PTPRD: variants seen among roughly 807,000 people sequenced by gnomAD.
PTPRD encodes receptor-type tyrosine-protein phosphatase delta.
Under a neutral mutation model 214.5 loss-of-function variants are expected in PTPRD, and 34 were observed. That is an observed-to-expected ratio of 0.16 (90% CI 0.12 to 0.21). The LOEUF is 0.21. Among genes scored for constraint, PTPRD ranks in the 10% least tolerant of loss-of-function variants. The probability of loss-of-function intolerance (pLI) is 1.00; values close to 1 mark genes in which losing one functional copy is unlikely to be tolerated. For synonymous variants in PTPRD, 1,128 were observed against 845.7 expected, an observed-to-expected ratio of 1.33 and a Z score of -5.79; for missense variants, 2,545 against 2,398.7, an observed-to-expected ratio of 1.06 and a Z score of -1.27.
intron 5 of PTPRD, among the ~76,000 whole-genome samples, chr9:9,814,795 CTTTTTT>C (rs34270280): frequency 4.7e-5 from 5 of 106,376 alleles, no homozygotes; most frequent in East Asian, 3.3e-4. Flanking sequence ...ACCAAAGTGA[CTTTTTT>C]TTTTTTTTTT....
chr9:8,988,278 G>T (rs756370918), intron 11 of PTPRD, among the ~76,000 whole-genome samples: 2 of 152,086 alleles, frequency 1.3e-5, no homozygotes, highest in African/African-American at 4.8e-5. Flanking sequence ...TAAATAAAAT[G>T]ATTAACTTAC....
chr9:8,665,084 A>C (rs146773739), intron 12 of PTPRD, among the ~76,000 whole-genome samples: 12 of 152,336 alleles, frequency 7.9e-5, no homozygotes, highest in Non-Finnish European at 1.3e-4. Context: ...GCAAAAAAAA[A>C]ATATGTTCGC....
intron 14 of PTPRD, among the ~76,000 whole-genome samples, chr9:8,608,572 C>T (rs1206408754): frequency 1.3e-5 from 2 of 151,748 alleles, no homozygotes; most frequent in Non-Finnish European, 2.9e-5. Context: ...TATGGCTTGA[C>T]CCATCCCCTG....
intron 5 of PTPRD, among the ~76,000 whole-genome samples, chr9:9,825,170 G>A (rs1164683429): frequency 1.3e-5 from 2 of 151,794 alleles, no homozygotes; most frequent in East Asian, 3.9e-4. Context: ...CTGCCATTTT[G>A]TTTCTTCTCA....
chr9:10,083,129 A>T (rs963486466), intron 3 of PTPRD, among the ~76,000 whole-genome samples: 31 of 151,938 alleles, frequency 2.0e-4, no homozygotes, highest in Non-Finnish European at 8.8e-5. Flanking sequence ...TACCCTATAA[A>T]ATATACCCTA....
chr9:8,494,806 C>T (rs941155302), intron 26 of PTPRD, among the ~76,000 whole-genome samples: 1 of 152,168 alleles, frequency 6.6e-6, no homozygotes, highest in Non-Finnish European at 1.5e-5. Flanking sequence ...CCAACTGCCA[C>T]GGTCATATCC....
At chr9:10,157,565 T>C (rs1196576888) in intron 3 of PTPRD, among the ~76,000 whole-genome samples, 1 of 152,112 alleles carries the variant, frequency 6.6e-6, no homozygotes, top group East Asian at 1.9e-4. Context: ...CCTTTAACAT[T>C]TTTTTTCCTT....
intron 12 of PTPRD, among the ~76,000 whole-genome samples, chr9:8,653,805 C>T (rs552532458): frequency 1.3e-5 from 2 of 152,160 alleles, no homozygotes; most frequent in African/African-American, 2.4e-5. Context: ...TCACTGTATA[C>T]GAATTTCTAA....
rs117893377 is a variant in PTPRD at position 9,353,596 on chromosome 9, C to T, written c.-203+43853G>A. 1.5e-3 allele frequency among the ~76,000 whole-genome samples: 233 copies of T among 151,058 alleles called. 1 individual carries two copies. The highest frequency in any genetic ancestry group is 2.3e-3 in the South Asian group (11 of 4,770). ...TCACTTTACATAGGACCTTGTCTTA[C>T]GTATATATTGGCCTTGTTTTCATGC... On this transcript the variant is annotated intron_variant, in intron 9 of 45. Transcript: ENST00000381196.
At chr9:9,820,482 G>T (rs1337766233) in intron 5 of PTPRD, among the ~76,000 whole-genome samples, 3 of 152,052 alleles carry the variant, frequency 2.0e-5, no homozygotes, top group Non-Finnish European at 4.4e-5. Context: ...AAGCTCTTTA[G>T]TTTAATTAGG....
chr9:8,825,635 G>C (rs2097160352), intron 11 of PTPRD, among the ~76,000 whole-genome samples: 1 of 152,192 alleles, frequency 6.6e-6, no homozygotes, highest in South Asian at 2.1e-4. Flanking sequence ...TGAGTTCGCA[G>C]TGTAAAGTGA....
chr9:8,376,201 AC>A (rs2083190917), intron 38 of PTPRD, 111 bp from the exon 39 acceptor site: 7 of 1,244,120 alleles, frequency 5.6e-6, no homozygotes, highest in Non-Finnish European at 7.7e-6. Context: ...CCTTTCTACC[AC>A]CCTGTAGCCT....
At chr9:8,757,185 T>G (rs2154472369) in intron 11 of PTPRD, among the ~76,000 whole-genome samples, 1 of 152,300 alleles carries the variant, frequency 6.6e-6, no homozygotes, top group East Asian at 1.9e-4. Context: ...GTCAACTCTC[T>G]GTTTCTCAGA....
At chr9:9,379,758 G>C (rs2061686170) in intron 9 of PTPRD, among the ~76,000 whole-genome samples, 1 of 151,716 alleles carries the variant, frequency 6.6e-6, no homozygotes, top group African/African-American at 2.4e-5. Flanking sequence ...TTTTTTGTTA[G>C]ATTTCTACCT....
intron 9 of PTPRD, among the ~76,000 whole-genome samples, chr9:9,353,978 G>A (rs576638953): frequency 4.6e-5 from 7 of 151,552 alleles, no homozygotes; most frequent in South Asian, 2.1e-4. Context: ...GAATGACTGC[G>A]GTCACTCTTT....
intron 11 of PTPRD, among the ~76,000 whole-genome samples, chr9:8,921,605 C>A (rs76214860): frequency 0.052 from 7,889 of 152,016 alleles, 411 homozygotes; most frequent in East Asian, 0.19. Flanking sequence ...GTGATTCTCC[C>A]AACTTAACCT....
chr9:8,615,560 T>C (rs1294039486), intron 14 of PTPRD, among the ~76,000 whole-genome samples: 2 of 152,102 alleles, frequency 1.3e-5, no homozygotes, highest in Non-Finnish European at 2.9e-5. Context: ...TTAGTTCACA[T>C]TGCTTAAAAG....
At chr9:9,290,711 T>G (rs1215205801) in intron 9 of PTPRD, among the ~76,000 whole-genome samples, 1 of 151,572 alleles carries the variant, frequency 6.6e-6, no homozygotes, top group African/African-American at 2.4e-5. Context: ...ACAAAATATT[T>G]TGAACGATTA....
intron 11 of PTPRD, among the ~76,000 whole-genome samples, chr9:8,812,090 C>G (rs2096820526): frequency 6.6e-6 from 1 of 152,148 alleles, no homozygotes; most frequent in Admixed American, 6.5e-5. Flanking sequence ...TGTTCCTATC[C>G]TACATATGGC....
Sources: gnomAD v4.1 joint callset for allele counts (sites outside exome capture counted in the v4.1 genomes callset) on GRCh38, gnomAD v4.1.1 for gene constraint, MANE v1.5 for transcripts, NCBI Gene and HGNC (gene_info 2026-07-23, HGNC 2026-07-21) for gene names.